The following SORT1 variants were observed in gnomAD, a reference collection of about 807,000 sequenced individuals.
SORT1 encodes the protein sortilin.
SORT1 carries 39 observed loss-of-function variants against 101.7 expected under a neutral mutation model. The observed-to-expected ratio is 0.38, with a 90% CI of 0.30 to 0.50. The LOEUF (loss-of-function observed/expected upper bound fraction) is 0.50, where lower values mean the gene tolerates loss of function less well. SORT1 is among the 20% of genes least tolerant of loss of function. The pLI is 0.90. For synonymous variants in SORT1, 396 were observed against 393.7 expected (o/e 1.01, Z -0.07); for missense variants, 878 against 1,040.4 (o/e 0.84, Z 2.15).
chr1:109,365,567 A>G (rs2101621325), intron 3 of SORT1, among the ~76,000 whole-genome samples: 1 of 152,364 alleles, frequency 6.6e-6, no homozygotes, highest in South Asian at 2.1e-4. Flanking sequence ...AGCGCTTTCT[A>G]GCACCAAGAT....
At chr1:109,367,313 C>A (rs987624553) in intron 3 of SORT1, 95 bp downstream of exon 3, 1 of 701,690 alleles carries the variant, frequency 1.4e-6, no homozygotes. Context: ...AGATCTTTTA[C>A]ATCAACTGTT....
In SORT1 at chr1:109,355,490, G is replaced by A. The variant is rs1382620180; in HGVS notation, c.441-21C>T. On this transcript the variant is annotated intron_variant, in intron 3 of 19. Coordinates refer to ENST00000256637, the MANE Select transcript of SORT1 (RefSeq NM_002959.7). ...CCTCACTGAGAGGAAGAAAAAAAGG[G>A]CAAATTTAGGGTGCAGTGGTCATGG... 3 of 1,142,158 alleles carry A rather than the reference G, an allele frequency of 2.6e-6. No individual in the cohort carries two copies. In the East Asian group the frequency reaches 7.0e-5, roughly 27 times the overall value. The allele number at this position is 1,142,158 out of a possible 1,614,324, so 70.8% of individuals were successfully genotyped here.
chr1:109,320,118 G>A lies in SORT1; in HGVS notation c.2025-2149C>T, dbSNP rs190399802. Among the ~76,000 whole-genome samples, 19 of 152,138 alleles carry A rather than the reference G, an allele frequency of 1.2e-4. No individual in the cohort carries two copies. In the South Asian group the frequency reaches 2.1e-3, roughly 17 times the overall value. ...TAACCCATAAATGTAGTCTTTTGCC[G>A]GGGGCAGGGGGCAGGTATAATGCAT... On this transcript the variant is annotated intron_variant, in intron 15 of 19. Transcript: ENST00000256637.
At chr1:109,320,892 C>T (rs556437437) in intron 15 of SORT1, among the ~76,000 whole-genome samples, 6 of 152,152 alleles carry the variant, frequency 3.9e-5, no homozygotes, top group South Asian at 2.1e-4. Context: ...GGAGGAAATT[C>T]GGATAAGAGT....
chr1:109,364,277 T>C (rs1181305905), intron 3 of SORT1, among the ~76,000 whole-genome samples: 15 of 152,096 alleles, frequency 9.9e-5, no homozygotes, highest in Non-Finnish European at 1.5e-5. Context: ...CATGGCAGTA[T>C]TGGTTCTTGT....
chr1:109,346,237 C>T (rs1307973827), intron 7 of SORT1, among the ~76,000 whole-genome samples: 3 of 150,760 alleles, frequency 2.0e-5, no homozygotes, highest in African/African-American at 4.9e-5. Context: ...GGCGTGAACC[C>T]GGGATGCAGA....
At chr1:109,326,580 TAC>T (rs1177482937) in intron 13 of SORT1, among the ~76,000 whole-genome samples, 1 of 146,980 alleles carries the variant, frequency 6.8e-6, no homozygotes, top group Non-Finnish European at 1.5e-5. Flanking sequence ...CATACATATA[TAC>T]ACACACACAT....
At chr1:109,373,911 C>A (rs112524535) in intron 1 of SORT1, among the ~76,000 whole-genome samples, 65 of 151,884 alleles carry the variant, frequency 4.3e-4, no homozygotes, top group African/African-American at 1.4e-3. Flanking sequence ...TAGCAAGACC[C>A]CCATTTCCAC....
At chr1:109,315,166 C>T (rs1658957448) in intron 17 of SORT1, among the ~76,000 whole-genome samples, 1 of 152,126 alleles carries the variant, frequency 6.6e-6, no homozygotes, top group Non-Finnish European at 1.5e-5. Context: ...AGAACAGGGC[C>T]ATTATCTGGG....
At chr1:109,334,146 T>TA (rs1557790195) in intron 11 of SORT1, among the ~76,000 whole-genome samples, 3 of 151,166 alleles carry the variant, frequency 2.0e-5, no homozygotes, top group Non-Finnish European at 2.9e-5. Context: ...ACTGTGTCTT[T>TA]AAAAAAAAGA....
intron 1 of SORT1, 82 bp from the exon 2 acceptor site, chr1:109,369,671 T>C (rs112763225): frequency 4.3e-6 from 4 of 923,184 alleles, no homozygotes; most frequent in Middle Eastern, 4.3e-4. Context: ...TGAACTTTAT[T>C]ACTGTTCAGA....
intron 3 of SORT1, among the ~76,000 whole-genome samples, chr1:109,356,971 C>A (rs1211839836): frequency 1.3e-5 from 2 of 152,220 alleles, no homozygotes; most frequent in African/African-American, 4.8e-5. Flanking sequence ...TAAATGTAAT[C>A]TGCAGTGGTC....
rs1159080278 is a variant in SORT1, at chr1:109,317,926, C to G, written c.2068G>C (p.Glu690Gln). 6.2e-7 allele frequency: 1 copy of G among 1,614,074 alleles called. No homozygotes were observed. Among genetic ancestry groups the G allele is most frequent in the South Asian group, 1.1e-5 (1 of 91,076 alleles). The change falls in exon 16 of 20, where the codon GAA becomes CAA. Residue 690 changes from glutamate to glutamine, a missense_variant. Glu to Gln is a conservative substitution (Grantham distance 29). This residue lies in a region of SORT1 where 684 missense variants were observed against 894.5 expected (regional missense o/e 0.76). Coordinates refer to ENST00000256637, the MANE Select transcript of SORT1 (RefSeq NM_002959.7). ...TCGTGGCCCTTCAGTTCTGGCTGTT[C>G]CACACACTTGGAGTCATTTTCTGGA... Reference protein sequence around the residue: ...YRPENDSKCVEQPELKGHDLE... With the variant: ...YRPENDSKCVQQPELKGHDLE...
rs534518587 is a variant in SORT1, at chr1:109,360,896, C to T, written c.441-5427G>A. Among the ~76,000 whole-genome samples, 7 of 152,292 alleles carry T rather than the reference C, an allele frequency of 4.6e-5. No individual in the cohort carries two copies. In the South Asian group the frequency reaches 6.2e-4, roughly 14 times the overall value. ...CTTGTCTTAAAGAAGATTACACATA[C>T]GCAACTGAATAGCTCTGTGGTCCTT... On this transcript the variant is annotated intron_variant, in intron 3 of 19. Coordinates refer to ENST00000256637, the MANE Select transcript of SORT1 (RefSeq NM_002959.7).
At chr1:109,370,022 A>C (rs1216981131) in intron 1 of SORT1, among the ~76,000 whole-genome samples, 1 of 152,220 alleles carries the variant, frequency 6.6e-6, no homozygotes, top group African/African-American at 2.4e-5. Context: ...TATAGCTGAA[A>C]AGTTCGTAAC....
intron 3 of SORT1, 145 bp downstream of exon 3, chr1:109,367,263 G>C (rs1651155362): frequency 1.7e-6 from 1 of 575,968 alleles, no homozygotes; most frequent in Admixed American, 2.8e-5. Context: ...AAAAACATGT[G>C]CTGAGTGTGA....
chr1:109,350,861 T>C, intron 6 of SORT1, 68 bp downstream of exon 6: 5 of 1,005,202 alleles, frequency 5.0e-6, no homozygotes, highest in Non-Finnish European at 8.0e-6. Context: ...TATTTATTCA[T>C]GTGATTTTTG....
chr1:109,336,443 C>T (rs896419623), intron 10 of SORT1, 97 bp from the exon 11 acceptor site: 19 of 777,376 alleles, frequency 2.4e-5, no homozygotes, highest in Non-Finnish European at 4.0e-5. Context: ...GACCGTATAG[C>T]ACCTGGAGTC....
Position 109,316,920 on chromosome 1 carries a change from A to T in SORT1, c.2180T>A (p.Val727Glu). The change falls in exon 17 of 20, where the codon GTA (valine) becomes GAA (glutamate). Residue 727 changes from valine (V) to glutamate (E), a missense_variant. Transcript: ENST00000256637. ...GTCTTTTACTTCTCGAACTGGATTT[A>T]CCCCACCCTGGCATTTGTCCCCTGG... The part of the protein sequence containing the change: ...KIPGDKCQGG[V>E]NPVREVKDLK... 1.2e-6 allele frequency: 2 copies of T among 1,611,122 alleles called. No homozygotes were observed. Among genetic ancestry groups the T allele is most frequent in the Non-Finnish European group, 1.7e-6 (2 of 1,178,910 alleles).
Sources: gnomAD v4.1 joint callset for allele counts (sites outside exome capture counted in the v4.1 genomes callset) on GRCh38, gnomAD v4.1.1 for gene constraint, gnomAD v4.1.1 regional missense constraint, MANE v1.5 for transcripts, NCBI Gene and HGNC (gene_info 2026-07-23, HGNC 2026-07-21) for gene names.